Variants in CTNNA3 observed in about 807,000 individuals in gnomAD.
CTNNA3 encodes catenin alpha 3.
CTNNA3 carries 76 observed loss-of-function variants against 95.7 expected under a neutral mutation model. That is an observed-to-expected ratio of 0.79 (90% confidence interval 0.66 to 0.96). CTNNA3 has a LOEUF of 0.96. CTNNA3 is among the 40% of genes least tolerant of loss of function. The pLI, the probability that CTNNA3 is intolerant of heterozygous loss-of-function variation, is 0.00. For synonymous variants in CTNNA3, 431 were observed against 374.4 expected, an observed-to-expected ratio of 1.15 and a Z score of -1.74; for missense variants, 1,191 against 1,089.8, an observed-to-expected ratio of 1.09 and a Z score of -1.31.
At chr10:67,503,493 T>A (rs1438967903) in intron 5 of CTNNA3, among the ~76,000 whole-genome samples, 1 of 152,198 alleles carries the variant, frequency 6.6e-6, no homozygotes. Context: ...CGTTTAATGG[T>A]TTTCACAATA....
chr10:66,812,863 T>A (rs1841936051), intron 7 of CTNNA3, among the ~76,000 whole-genome samples: 1 of 152,166 alleles, frequency 6.6e-6, no homozygotes, highest in Non-Finnish European at 1.5e-5. Flanking sequence ...TGGATACATC[T>A]CACTGATGTA....
At chr10:67,178,303 C>T (rs192079225) in intron 7 of CTNNA3, among the ~76,000 whole-genome samples, 71 of 152,198 alleles carry the variant, frequency 4.7e-4, no homozygotes, top group African/African-American at 1.7e-3. Context: ...TAAAAATAAC[C>T]TTTCATAGGT....
chr10:66,033,047 T>TG (rs1360461214), intron 15 of CTNNA3, among the ~76,000 whole-genome samples: 7 of 152,276 alleles, frequency 4.6e-5, no homozygotes, highest in African/African-American at 1.2e-4. Flanking sequence ...CATCTCATCC[T>TG]GGTTATTCTG....
At chr10:66,997,882 A>C (rs1301370424) in intron 7 of CTNNA3, among the ~76,000 whole-genome samples, 1 of 152,096 alleles carries the variant, frequency 6.6e-6, no homozygotes, top group African/African-American at 2.4e-5. Flanking sequence ...CACACTCCTA[A>C]TTGGTGATTA....
Position 66,222,730 on chromosome 10 carries a change from G to C in CTNNA3, c.1884+57740C>G, listed in dbSNP as rs1394105164. Among the ~76,000 whole-genome samples the C allele has an allele frequency of 5.4e-5, 8 of 149,168 alleles. No homozygotes were observed. The South Asian group carries it at 6.4e-4, about 12-fold the overall frequency. On this transcript the variant is annotated intron_variant, in intron 13 of 17. Coordinates refer to ENST00000433211, the MANE Select transcript of CTNNA3 (RefSeq NM_013266.4). ...GGAAGGGAAGAAGGGAGAAGGGGGAGAGAGAAAAAAATGAAAGAAAAGGAA... is the reference window on the plus strand; with the variant it reads ...GGAAGGGAAGAAGGGAGAAGGGGGACAGAGAAAAAAATGAAAGAAAAGGAA...
At chr10:66,926,838 G>A (rs943886473) in intron 7 of CTNNA3, 25 of 1,235,962 alleles carry the variant, frequency 2.0e-5, no homozygotes, top group Non-Finnish European at 2.4e-5. Flanking sequence ...TTTTAAAAAT[G>A]AAAAATATAT....
At chr10:66,016,494 G>T (rs904201520) in intron 15 of CTNNA3, among the ~76,000 whole-genome samples, 9 of 152,084 alleles carry the variant, frequency 5.9e-5, no homozygotes, top group African/African-American at 2.2e-4. Context: ...GCTCCATTAA[G>T]CACCTGTATT....
At chr10:66,432,090 T>C (rs2093301674) in intron 11 of CTNNA3, among the ~76,000 whole-genome samples, 1 of 152,064 alleles carries the variant, frequency 6.6e-6, no homozygotes, top group African/African-American at 2.4e-5. Context: ...AAAATAATTC[T>C]GGATATTGAG....
At chr10:66,988,417 C>T (rs187390901) in intron 7 of CTNNA3, among the ~76,000 whole-genome samples, 250 of 152,276 alleles carry the variant, frequency 1.6e-3, no homozygotes, top group African/African-American at 5.8e-3. Context: ...CACAAATACT[C>T]ATCTAAAGTT....
At position 65,918,672 on chromosome 10, in the gene CTNNA3, C is replaced by T. The variant is rs373982937; in HGVS notation, c.*1658G>A. 7 of 152,158 alleles carry T rather than the reference C, an allele frequency of 4.6e-5. No homozygotes were observed. In the East Asian group the frequency reaches 1.4e-3, roughly 29 times the overall value. 9.4% of individuals were successfully genotyped at this position (152,158 alleles called of 1,614,324 possible). A position where few individuals can be genotyped will look rare whatever the true frequency, so the allele number is the denominator to read the frequency against. Reference sequence around the variant, plus strand: ...ACAGGGAGGAGTTTATTGCCTTCACCTCCTAGGAAGTTTTACACTGAGCTC... The same window carrying T: ...ACAGGGAGGAGTTTATTGCCTTCACTTCCTAGGAAGTTTTACACTGAGCTC... On this transcript the variant is annotated 3_prime_UTR_variant, in exon 18 of 18. Transcript: ENST00000433211.
chr10:66,363,628 A>T (rs1240258213), intron 12 of CTNNA3, among the ~76,000 whole-genome samples: 1 of 152,232 alleles, frequency 6.6e-6, no homozygotes. Flanking sequence ...ACAATAAAAA[A>T]AATTAAAAAC....
intron 13 of CTNNA3, among the ~76,000 whole-genome samples, chr10:66,264,850 C>G (rs1242630234): frequency 6.6e-6 from 1 of 151,966 alleles, no homozygotes; most frequent in Non-Finnish European, 1.5e-5. Flanking sequence ...ACATAATCCT[C>G]TGTCCCACAG....
intron 12 of CTNNA3, 116 bp from the exon 13 acceptor site, chr10:66,280,737 A>C: frequency 1.5e-6 from 1 of 670,322 alleles, no homozygotes; most frequent in South Asian, 2.4e-5. Context: ...ATAGATCTTT[A>C]ATTGTATTTT....
chr10:66,858,243 G>A (rs1235694776), intron 7 of CTNNA3, among the ~76,000 whole-genome samples: 2 of 151,980 alleles, frequency 1.3e-5, no homozygotes, highest in Non-Finnish European at 2.9e-5. Context: ...TGCATCCCAG[G>A]GATAATGCCT....
intron 13 of CTNNA3, among the ~76,000 whole-genome samples, chr10:66,164,263 A>G (rs1179367918): frequency 2.0e-5 from 3 of 152,214 alleles, no homozygotes; most frequent in Non-Finnish European, 4.4e-5. Flanking sequence ...AGTAAATACC[A>G]TCAAGATACC....
At chr10:66,737,992 C>A (rs933335448) in intron 9 of CTNNA3, among the ~76,000 whole-genome samples, 18 of 152,152 alleles carry the variant, frequency 1.2e-4, no homozygotes, top group African/African-American at 4.3e-4. Context: ...CTTCTCTTCC[C>A]TGCACTGAAG....
intron 7 of CTNNA3, among the ~76,000 whole-genome samples, chr10:66,835,183 T>C (rs1842847668): frequency 6.7e-6 from 1 of 148,904 alleles, no homozygotes; most frequent in Non-Finnish European, 1.5e-5. Context: ...CCCTATATGA[T>C]GTGACCTGTA....
intron 5 of CTNNA3, among the ~76,000 whole-genome samples, chr10:67,383,180 A>G (rs1844013226): frequency 6.6e-6 from 1 of 152,222 alleles, no homozygotes; most frequent in South Asian, 2.1e-4. Context: ...TTAAAAATTA[A>G]GAACAATTAA....
intron 5 of CTNNA3, among the ~76,000 whole-genome samples, chr10:67,400,247 C>G (rs968315118): frequency 5.9e-5 from 9 of 152,150 alleles, no homozygotes; most frequent in African/African-American, 2.2e-4. Context: ...TCATTTGTAA[C>G]TATATTGTTC....
Sources: gnomAD v4.1 joint callset for allele counts (sites outside exome capture counted in the v4.1 genomes callset) on GRCh38, gnomAD v4.1.1 for gene constraint, MANE v1.5 for transcripts, NCBI Gene and HGNC (gene_info 2026-07-23, HGNC 2026-07-21) for gene names.